The following POU2F1 variants were observed in gnomAD, a reference collection of about 807,000 sequenced individuals.
The protein encoded by POU2F1 is POU class 2 homeobox 1, also known as POU domain, class 2, transcription factor 1.
POU2F1 carries 16 observed loss-of-function variants against 84.9 expected under a neutral mutation model. The ratio of observed to expected loss-of-function variants is 0.19; its 90% confidence interval spans 0.13 to 0.29. The LOEUF (loss-of-function observed/expected upper bound fraction) is 0.29, where lower values mean the gene tolerates loss of function less well. Among genes scored for constraint, POU2F1 ranks in the 10% least tolerant of loss-of-function variants. POU2F1 has a pLI of 1.00. For missense variants in POU2F1, 738 were observed against 942.6 expected (o/e 0.78, Z 2.84); for synonymous variants, 368 against 368.3 (o/e 1.00, Z 0.01).
At position 167,420,406 on chromosome 1, in the gene POU2F1, C is replaced by G. The variant is rs1184032322; in HGVS notation, c.*4596C>G. 3 of 152,274 alleles carry G rather than the reference C, an allele frequency of 2.0e-5. No individual in the cohort carries two copies. Among genetic ancestry groups the G allele is most frequent in the Non-Finnish European group, 4.4e-5 (3 of 68,150 alleles). The allele number at this position is 152,274 out of a possible 1,614,324, so 9.4% of individuals were successfully genotyped here. ...TGAACTCCTGACCTTAGGTGATCTG[C>G]CTGCCTTGGCCTCCCAAAGTGCTGG... On this transcript the variant is annotated 3_prime_UTR_variant, in exon 16 of 16. Coordinates refer to ENST00000367866, the MANE Select transcript of POU2F1 (RefSeq NM_002697.4).
At chr1:167,379,483 T>C (rs1297671141) in intron 7 of POU2F1, 1 of 152,226 alleles carries the variant, frequency 6.6e-6, no homozygotes, top group Non-Finnish European at 1.5e-5. Flanking sequence ...TTTAGGAAAC[T>C]ACGAGGGTTG....
intron 2 of POU2F1, among the ~76,000 whole-genome samples, chr1:167,351,556 AAAAAG>A (rs1039184398): frequency 3.8e-4 from 57 of 151,146 alleles, no homozygotes; most frequent in African/African-American, 1.2e-3. Flanking sequence ...AAGAAAGAAA[AAAAAG>A]AAAAGAAACT....
At chr1:167,248,590 G>A (rs1340396462) in intron 1 of POU2F1, among the ~76,000 whole-genome samples, 1 of 152,130 alleles carries the variant, frequency 6.6e-6, no homozygotes, top group African/African-American at 2.4e-5. Context: ...AGTAGTTTGT[G>A]GGGAGGAGGG....
At chr1:167,390,495 G>T (rs1648321957) in intron 9 of POU2F1, among the ~76,000 whole-genome samples, 1 of 152,196 alleles carries the variant, frequency 6.6e-6, no homozygotes. Context: ...TTTAAAAACA[G>T]TTTTTTGTAG....
At chr1:167,249,409 G>T (rs1472154374) in intron 1 of POU2F1, among the ~76,000 whole-genome samples, 1 of 152,174 alleles carries the variant, frequency 6.6e-6, no homozygotes, top group Non-Finnish European at 1.5e-5. Flanking sequence ...GCAGTGTAGG[G>T]TTATGCCTTC....
intron 2 of POU2F1, among the ~76,000 whole-genome samples, chr1:167,346,340 CATACTATT>C (rs975390722): frequency 1.2e-4 from 19 of 152,148 alleles, no homozygotes; most frequent in Non-Finnish European, 2.5e-4. Context: ...TAAAAATACA[CATACTATT>C]ATTACTTAGG....
intron 2 of POU2F1, among the ~76,000 whole-genome samples, chr1:167,336,479 C>T (rs1203835755): frequency 1.3e-5 from 2 of 152,092 alleles, no homozygotes; most frequent in African/African-American, 2.4e-5. Flanking sequence ...AAGACCTATA[C>T]GAAGTACCAC....
intron 2 of POU2F1, among the ~76,000 whole-genome samples, chr1:167,352,569 G>C (rs971881324): frequency 2.0e-5 from 3 of 152,204 alleles, no homozygotes; most frequent in Non-Finnish European, 4.4e-5. Flanking sequence ...CGGAATTTCA[G>C]TCTGAGCTCA....
chr1:167,411,905 A>G, intron 13 of POU2F1, 54 bp from the exon 14 acceptor site: 2 of 1,513,902 alleles, frequency 1.3e-6, no homozygotes, highest in East Asian at 2.3e-5. Context: ...TAAAGCCACC[A>G]TTCTTCCAAA....
chr1:167,308,307 TC>T (rs1655226859), intron 1 of POU2F1, among the ~76,000 whole-genome samples: 1 of 152,172 alleles, frequency 6.6e-6, no homozygotes, highest in Non-Finnish European at 1.5e-5. Context: ...TCGCAGGTGA[TC>T]CGCCTGCCTC....
At chr1:167,317,596 G>A (rs113351725) in intron 1 of POU2F1, among the ~76,000 whole-genome samples, 5 of 152,312 alleles carry the variant, frequency 3.3e-5, no homozygotes, top group African/African-American at 1.2e-4. Context: ...ATGGACTCTG[G>A]CTAGTTATCT....
At chr1:167,234,512 G>A (rs1265763993) in intron 1 of POU2F1, among the ~76,000 whole-genome samples, 1 of 152,104 alleles carries the variant, frequency 6.6e-6, no homozygotes, top group Non-Finnish European at 1.5e-5. Flanking sequence ...TGGGAGGATT[G>A]CTTGAGACCA....
chr1:167,333,094 A>G (rs1278107887), intron 2 of POU2F1, among the ~76,000 whole-genome samples: 2 of 152,198 alleles, frequency 1.3e-5, no homozygotes, highest in Non-Finnish European at 2.9e-5. Context: ...ATAGACACAT[A>G]CCCATTTCTA....
At chr1:167,311,771 C>CATTTATCTATTT (rs1655491263) in intron 1 of POU2F1, among the ~76,000 whole-genome samples, 1 of 144,636 alleles carries the variant, frequency 6.9e-6, no homozygotes, top group African/African-American at 2.5e-5. Context: ...TACAAAAAAT[C>CATTTATCTATTT]ATTTATTTAT....
chr1:167,291,266 T>A (rs1021417620), intron 1 of POU2F1, among the ~76,000 whole-genome samples: 5 of 152,216 alleles, frequency 3.3e-5, no homozygotes, highest in Non-Finnish European at 7.3e-5. Flanking sequence ...ATTGCTAACA[T>A]TTCTCTCTGC....
chr1:167,415,727 G>A lies in POU2F1; in HGVS notation c.2218G>A (p.Glu740Lys). 6.2e-7 allele frequency: 1 copy of A among 1,614,118 alleles called. No homozygotes were observed. Among genetic ancestry groups the A allele is most frequent in the Non-Finnish European group, 8.5e-7 (1 of 1,180,010 alleles). ...CCTTCACGCCACCTCCACCTCTGCTGAGTCCATCCAGAACTCTCTCTTCAC... is the reference window on the plus strand; with the variant it reads ...CCTTCACGCCACCTCCACCTCTGCTAAGTCCATCCAGAACTCTCTCTTCAC... The part of the protein sequence containing the change: ...ASLHATSTSA[E>K]SIQNSLFTVA... Residue 740 changes from glutamate (E) to lysine (K), a missense_variant, in exon 16 of 16, where the codon GAG (glutamate) becomes AAG (lysine). This residue lies in a region of POU2F1 where 319 missense variants were observed against 386.0 expected (regional missense o/e 0.83). Transcript: ENST00000367866.
chr1:167,225,553 G>A (rs753459760), intron 1 of POU2F1, among the ~76,000 whole-genome samples: 12 of 152,172 alleles, frequency 7.9e-5, no homozygotes, highest in South Asian at 2.1e-4. Flanking sequence ...AAAATGTTAC[G>A]TTGCTCTTCT....
Position 167,220,941 on chromosome 1 carries a change from C to G in POU2F1, c.44C>G (p.Ala15Gly), listed in dbSNP as rs1328963624. The G allele has an allele frequency of 6.5e-7, 1 of 1,535,192 alleles. No homozygotes were observed. Among genetic ancestry groups the G allele is most frequent in the South Asian group, 1.2e-5 (1 of 84,016 alleles). Reference protein sequence around the residue: ...GAASQDESSAAAAAAADSRMN... With the variant: ...GAASQDESSAGAAAAADSRMN... Reference sequence around the variant, plus strand: ...GCGAGTCAAGATGAGAGTTCAGCCGCGGCGGCAGCAGCAGCAGGTAATCAT... The same window carrying G: ...GCGAGTCAAGATGAGAGTTCAGCCGGGGCGGCAGCAGCAGCAGGTAATCAT... Residue 15 changes from alanine to glycine, a missense_variant, in exon 1 of 16, where the codon GCG becomes GGG. Ala to Gly is a moderately conservative substitution (Grantham distance 60, BLOSUM62 0). Transcript: ENST00000367866.
chr1:167,323,941 C>T (rs527444193), intron 1 of POU2F1, among the ~76,000 whole-genome samples: 1 of 152,212 alleles, frequency 6.6e-6, no homozygotes, highest in South Asian at 2.1e-4. Flanking sequence ...GATCCACCTA[C>T]CTAGGACTCC....
Sources: allele counts gnomAD v4.1 joint callset (sites outside exome capture counted in the v4.1 genomes callset), GRCh38; gene constraint gnomAD v4.1.1; regional missense constraint gnomAD v4.1.1; transcripts MANE v1.5; gene names NCBI Gene and HGNC (gene_info 2026-07-23, HGNC 2026-07-21).